RAB3GAP2: variants seen among roughly 807,000 people sequenced by gnomAD.
RAB3GAP2 encodes the protein rab3 GTPase-activating protein non-catalytic subunit.
Under a neutral mutation model 185.3 loss-of-function variants are expected in RAB3GAP2, and 87 were observed. The observed-to-expected ratio is 0.47, with a 90% CI of 0.39 to 0.56. The LOEUF (loss-of-function observed/expected upper bound fraction) is 0.56, where lower values mean the gene tolerates loss of function less well. Ranked by LOEUF, RAB3GAP2 falls within the 20% of genes least tolerant of loss-of-function variation. The pLI, the probability that RAB3GAP2 is intolerant of heterozygous loss-of-function variation, is 0.00. For missense variants in RAB3GAP2, 1,492 were observed against 1,638.2 expected (o/e 0.91, Z 1.54); for synonymous variants, 554 against 576.1 (o/e 0.96, Z 0.55).
intron 9 of RAB3GAP2, 77 bp downstream of exon 9, chr1:220,202,199 C>G: frequency 6.9e-7 from 1 of 1,449,240 alleles, no homozygotes; most frequent in East Asian, 2.4e-5. Flanking sequence ...AATAAATGCC[C>G]ATTTCTAATA....
chr1:220,221,517 T>C (rs1441671174), intron 2 of RAB3GAP2, among the ~76,000 whole-genome samples: 1 of 152,080 alleles, frequency 6.6e-6, no homozygotes, highest in Non-Finnish European at 1.5e-5. Context: ...AAGGCAAAAA[T>C]GAATGAATGA....
At chr1:220,270,036 C>G (rs1660306075) in intron 1 of RAB3GAP2, among the ~76,000 whole-genome samples, 1 of 152,220 alleles carries the variant, frequency 6.6e-6, no homozygotes, top group South Asian at 2.1e-4. Flanking sequence ...TCTGCCTCCA[C>G]TATCCTACTG....
chr1:220,168,773 CATTAT>C lies in RAB3GAP2; in HGVS notation c.2807-1103_2807-1099del, dbSNP rs1175547569. On this transcript the variant is annotated intron_variant, in intron 24 of 34. Coordinates refer to ENST00000358951, the MANE Select transcript of RAB3GAP2 (RefSeq NM_012414.4). The stretch of plus-strand genomic sequence containing the variant: ...TAATTTAGCTATAGCTAATCAACAG[CATTAT>C]ATCATGTCTCAGTCATCAATATAGT... Among the ~76,000 whole-genome samples, 3 of 152,302 alleles carry C rather than the reference CATTAT, an allele frequency of 2.0e-5. No individual in the cohort carries two copies. The East Asian group carries it at 5.8e-4, about 29-fold the overall frequency.
chr1:220,174,230 AT>A (rs1658244227), intron 21 of RAB3GAP2, among the ~76,000 whole-genome samples: 1 of 151,978 alleles, frequency 6.6e-6, no homozygotes, highest in African/African-American at 2.4e-5. Context: ...TATGCACTTA[AT>A]TTTTACACTT....
At chr1:220,175,354 G>C (rs1367445738) in intron 21 of RAB3GAP2, among the ~76,000 whole-genome samples, 1 of 152,096 alleles carries the variant, frequency 6.6e-6, no homozygotes, top group East Asian at 1.9e-4. Flanking sequence ...AAGTAGCTTG[G>C]ACTACAGGCG....
chr1:220,219,534 T>A (rs958385878), intron 2 of RAB3GAP2: 2 of 152,192 alleles, frequency 1.3e-5, no homozygotes, highest in African/African-American at 2.4e-5. Flanking sequence ...TGGGTCAGAA[T>A]CCATGAGAAA....
Position 220,172,546 on chromosome 1 carries a change from C to G in RAB3GAP2, c.2416+91G>C, listed in dbSNP as rs577278428. 7 of 840,066 alleles carry G rather than the reference C, an allele frequency of 8.3e-6. No homozygotes were observed. In the South Asian group the frequency reaches 9.8e-5, roughly 12 times the overall value. The allele number at this position is 840,066 out of a possible 1,614,324, so 52.0% of individuals were successfully genotyped here. ...TGAAATGTTTTGTACACTACAGACT[C>G]CTTTTGTTAAGGGATCCTATCCACT... is the stretch of plus-strand genomic sequence containing the variant. On this transcript the variant is annotated intron_variant, in intron 22 of 34. Transcript: ENST00000358951.
chr1:220,174,146 C>T (rs997903402), intron 21 of RAB3GAP2, among the ~76,000 whole-genome samples: 20 of 151,578 alleles, frequency 1.3e-4, no homozygotes, highest in Admixed American at 9.2e-4. Flanking sequence ...TAATAACATG[C>T]GTATTTTCTC....
intron 1 of RAB3GAP2, among the ~76,000 whole-genome samples, chr1:220,258,246 T>C (rs573247667): frequency 1.3e-5 from 2 of 152,210 alleles, no homozygotes; most frequent in East Asian, 3.9e-4. Context: ...GAGACCAGCA[T>C]CATCTTGATA....
rs773904586 is a variant in RAB3GAP2 at position 220,151,173 on chromosome 1, C to G, written c.*78G>C. 1 of 1,404,462 alleles carries G rather than the reference C, an allele frequency of 7.1e-7. No homozygotes were observed. The highest frequency in any genetic ancestry group is 1.4e-5 in the African/African-American group (1 of 69,228). 87.0% of individuals were successfully genotyped at this position (1,404,462 alleles called of 1,614,324 possible). A position where few individuals can be genotyped will look rare whatever the true frequency, so the allele number is the denominator to read the frequency against. On this transcript the variant is annotated 3_prime_UTR_variant, in exon 35 of 35. Coordinates refer to ENST00000358951, the MANE Select transcript of RAB3GAP2 (RefSeq NM_012414.4). ...AAGACATACTTTTCCCATAAAATTCCAGGTCTTACTATGTAAAATAACCAT... is the reference window on the plus strand; with the variant it reads ...AAGACATACTTTTCCCATAAAATTCGAGGTCTTACTATGTAAAATAACCAT...
At chr1:220,198,186 GGCT>G (rs1199447950) in intron 9 of RAB3GAP2, among the ~76,000 whole-genome samples, 1 of 152,082 alleles carries the variant, frequency 6.6e-6, no homozygotes, top group Non-Finnish European at 1.5e-5. Flanking sequence ...ATACTCCTCT[GGCT>G]AAATCTTAAT....
chr1:220,207,559 C>A (rs546807888), intron 7 of RAB3GAP2: 1 of 152,286 alleles, frequency 6.6e-6, no homozygotes, highest in East Asian at 1.9e-4. Flanking sequence ...GGGCATAAAC[C>A]AGTGGGGAAG....
At chr1:220,154,164 C>A in intron 31 of RAB3GAP2, 107 bp from the exon 32 acceptor site, 1 of 1,449,168 alleles carries the variant, frequency 6.9e-7, no homozygotes, top group South Asian at 1.3e-5. Context: ...ATTTTTATTT[C>A]TCCTTGAACA....
At chr1:220,248,043 A>G (rs917986804) in intron 1 of RAB3GAP2, among the ~76,000 whole-genome samples, 5 of 152,068 alleles carry the variant, frequency 3.3e-5, no homozygotes, top group African/African-American at 9.6e-5. Flanking sequence ...GGTCACAACC[A>G]TAAATTTAAT....
At chr1:220,269,271 T>G (rs1571939457) in intron 1 of RAB3GAP2, among the ~76,000 whole-genome samples, 1 of 152,144 alleles carries the variant, frequency 6.6e-6, no homozygotes, top group South Asian at 2.1e-4. Flanking sequence ...GGTTGGCTGG[T>G]TTAACAACAA....
intron 31 of RAB3GAP2, among the ~76,000 whole-genome samples, chr1:220,154,721 C>CT (rs368964533): frequency 0.37 from 49,552 of 133,306 alleles, 9,467 homozygotes; most frequent in South Asian, 0.4. Flanking sequence ...ACCCTGAATC[C>CT]TTTTTTTTTT....
intron 21 of RAB3GAP2, among the ~76,000 whole-genome samples, chr1:220,175,483 C>A (rs1029737566): frequency 6.6e-6 from 1 of 152,174 alleles, no homozygotes; most frequent in Non-Finnish European, 1.5e-5. Flanking sequence ...TCCCAAAGTG[C>A]TGGGATTACA....
intron 31 of RAB3GAP2, chr1:220,154,468 G>C (rs916216520): frequency 1.6e-5 from 3 of 186,012 alleles, no homozygotes; most frequent in Admixed American, 1.1e-4. Context: ...AGAGGCACAT[G>C]TGGCATAACT....
intron 17 of RAB3GAP2, among the ~76,000 whole-genome samples, chr1:220,187,524 C>A (rs1354209882): frequency 6.6e-6 from 1 of 152,148 alleles, no homozygotes; most frequent in Non-Finnish European, 1.5e-5. Flanking sequence ...TTTAGCCCAA[C>A]CCCTGACCTC....
Sources: gnomAD v4.1 joint callset for allele counts (sites outside exome capture counted in the v4.1 genomes callset) on GRCh38, gnomAD v4.1.1 for gene constraint, MANE v1.5 for transcripts, NCBI Gene and HGNC (gene_info 2026-07-23, HGNC 2026-07-21) for gene names.